Variants in SLCO3A1 observed in about 807,000 individuals in gnomAD.
SLCO3A1 encodes the protein PGE1 transporter.
A neutral mutation model predicts 63.1 loss-of-function variants in SLCO3A1; 27 were observed. The ratio of observed to expected loss-of-function variants is 0.43; its 90% CI spans 0.32 to 0.59. The LOEUF is 0.59. Ranked by LOEUF, SLCO3A1 falls within the 20% of genes least tolerant of loss-of-function variation. The probability of loss-of-function intolerance (pLI) is 0.09; values close to 1 mark genes in which losing one functional copy is unlikely to be tolerated. For synonymous variants in SLCO3A1, 473 were observed against 409.9 expected (o/e 1.15, Z -1.86); for missense variants, 773 against 945.8 (o/e 0.82, Z 2.40).
rs1481331780 is a variant in SLCO3A1 at position 92,149,935 on chromosome 15, A to G, written c.1689-1015A>G. Among the ~76,000 whole-genome samples the G allele has an allele frequency of 3.3e-5, 5 of 152,146 alleles. No individual in the cohort carries two copies. The South Asian group carries it at 6.2e-4, about 19-fold the overall frequency. On this transcript the variant is annotated intron_variant, in intron 8 of 9. Coordinates refer to ENST00000318445, the MANE Select transcript of SLCO3A1 (RefSeq NM_013272.4). ...CAAAAACCGGAGACATGGAGCTGAT[A>G]ATAGCTTTGAAGAACTTGGATTTTG...
rs34049553 is a variant in SLCO3A1 at position 91,937,718 on chromosome 15, CA to C, written c.646+21276del. On this transcript the variant is annotated intron_variant, in intron 2 of 9. Transcript: ENST00000318445. ...CGGACGACAGTGCAAGACTCCATCTCAAAAAAAAAAAAAAAAGTGGGAGTGA... is the reference window on the plus strand; with the variant it reads ...CGGACGACAGTGCAAGACTCCATCTCAAAAAAAAAAAAAAAGTGGGAGTGA... Among the ~76,000 whole-genome samples, 596 of 112,986 alleles carry C rather than the reference CA, an allele frequency of 5.3e-3. 3 individuals are homozygous for C. Among genetic ancestry groups the C allele is most frequent in the East Asian group, 0.02 (76 of 3,772 alleles). 74.1% of individuals were successfully genotyped at this position (112,986 alleles called of 152,430 possible).
chr15:92,016,233 A>ATAGATAGATAGAT (rs1555424405), intron 2 of SLCO3A1, among the ~76,000 whole-genome samples: 3 of 59,308 alleles, frequency 5.1e-5, no homozygotes, highest in African/African-American at 2.6e-4. Context: ...AGATAGATAG[A>ATAGATAGATAGAT]TAGATAGATA....
intron 1 of SLCO3A1, among the ~76,000 whole-genome samples, chr15:91,904,325 G>T (rs1487717024): frequency 6.6e-6 from 1 of 152,144 alleles, no homozygotes; most frequent in African/African-American, 2.4e-5. Flanking sequence ...TACTCCTGGG[G>T]GAGCGAGACC....
At position 91,980,501 on chromosome 15, in the gene SLCO3A1, C is replaced by T. The variant is rs184903198; in HGVS notation, c.646+64043C>T. On this transcript the variant is annotated intron_variant, in intron 2 of 9. Coordinates refer to ENST00000318445, the MANE Select transcript of SLCO3A1 (RefSeq NM_013272.4). The stretch of plus-strand genomic sequence containing the variant: ...GGGGAGAAGGGGGTACTCAGCTGGC[C>T]AGGGATGAAGCTTTAGTTGGTATGA... Among the ~76,000 whole-genome samples, 8 of 151,574 alleles carry T rather than the reference C, an allele frequency of 5.3e-5. No homozygotes were observed. In the East Asian group the frequency reaches 1.2e-3, roughly 22 times the overall value.
At chr15:91,866,321 A>C (rs546896587) in intron 1 of SLCO3A1, among the ~76,000 whole-genome samples, 2 of 152,188 alleles carry the variant, frequency 1.3e-5, no homozygotes, top group African/African-American at 4.8e-5. Flanking sequence ...CCTCACACCC[A>C]GGATTCCTTA....
rs536934337 is a variant in SLCO3A1, at chr15:92,121,671, G to A, written c.1174+1042G>A. 1.2e-4 allele frequency among the ~76,000 whole-genome samples: 19 copies of A among 152,084 alleles called. 1 individual carries two copies. The South Asian group carries it at 3.7e-3, about 30-fold the overall frequency. ...AGGACATCGGAGTGGAATTTACGTA[G>A]GAAAAAATGTGTAGAGTTAAAAAAA... is the stretch of plus-strand genomic sequence containing the variant. On this transcript the variant is annotated intron_variant, in intron 5 of 9. Coordinates refer to ENST00000318445, the MANE Select transcript of SLCO3A1 (RefSeq NM_013272.4).
chr15:91,864,087 G>C (rs191785108), intron 1 of SLCO3A1, among the ~76,000 whole-genome samples: 3 of 152,188 alleles, frequency 2.0e-5, no homozygotes, highest in Non-Finnish European at 2.9e-5. Flanking sequence ...AGAGTGGCAC[G>C]TGGAGCCAGC....
chr15:91,921,010 G>T (rs147153728), intron 2 of SLCO3A1, among the ~76,000 whole-genome samples: 5 of 152,354 alleles, frequency 3.3e-5, no homozygotes, highest in Non-Finnish European at 5.9e-5. Flanking sequence ...GGGGATGTGG[G>T]ATATGGCGTT....
chr15:92,055,808 C>A lies in SLCO3A1; in HGVS notation c.647-39073C>A, dbSNP rs546053365. On this transcript the variant is annotated intron_variant, in intron 2 of 9. Coordinates refer to ENST00000318445, the MANE Select transcript of SLCO3A1 (RefSeq NM_013272.4). ...AAAGACGTTGTCACATGAGATTCAC[C>A]ATCTATCAGTTTTTCCCTAATTTAT... Among the ~76,000 whole-genome samples, 11 of 152,284 alleles carry A rather than the reference C, an allele frequency of 7.2e-5. No homozygotes were observed. In the South Asian group the frequency reaches 2.1e-3, roughly 29 times the overall value.
At position 91,873,421 on chromosome 15, in the gene SLCO3A1, G is replaced by T. The variant is rs558984971; in HGVS notation, c.180+19333G>T. ...CTTTTGTTTTTAATTCTATTATGACGAAACAAAAAAGTAGAAATTATAGTA... is the reference window on the plus strand; with the variant it reads ...CTTTTGTTTTTAATTCTATTATGACTAAACAAAAAAGTAGAAATTATAGTA... On this transcript the variant is annotated intron_variant, in intron 1 of 9. Coordinates refer to ENST00000318445, the MANE Select transcript of SLCO3A1 (RefSeq NM_013272.4). Among the ~76,000 whole-genome samples, 243 of 151,808 alleles carry T rather than the reference G, an allele frequency of 1.6e-3. 1 individual carries two copies. Among genetic ancestry groups the T allele is most frequent in the African/African-American group, 5.7e-3 (234 of 41,382 alleles).
chr15:91,902,633 C>T (rs1898189219), intron 1 of SLCO3A1, among the ~76,000 whole-genome samples: 1 of 152,020 alleles, frequency 6.6e-6, no homozygotes, highest in Non-Finnish European at 1.5e-5. Flanking sequence ...ATTAGTGCTC[C>T]TCAGTTTGTT....
At chr15:92,013,533 C>T (rs2046392752) in intron 2 of SLCO3A1, among the ~76,000 whole-genome samples, 1 of 152,168 alleles carries the variant, frequency 6.6e-6, no homozygotes, top group African/African-American at 2.4e-5. Context: ...GCACAGGGAG[C>T]CTTGAAACAA....
At chr15:91,909,509 G>A (rs1898416387) in intron 1 of SLCO3A1, among the ~76,000 whole-genome samples, 2 of 152,200 alleles carry the variant, frequency 1.3e-5, no homozygotes, top group South Asian at 4.1e-4. Flanking sequence ...ACCACAGCGA[G>A]ATTGACATCT....
chr15:92,016,248 G>A (rs1397408691), intron 2 of SLCO3A1, among the ~76,000 whole-genome samples: 1 of 56,200 alleles, frequency 1.8e-5, no homozygotes, highest in African/African-American at 1.1e-4. Flanking sequence ...TAGATAGATA[G>A]ATAGATTAGA....
At chr15:92,046,661 G>A (rs1483182544) in intron 2 of SLCO3A1, among the ~76,000 whole-genome samples, 1 of 152,038 alleles carries the variant, frequency 6.6e-6, no homozygotes, top group Non-Finnish European at 1.5e-5. Flanking sequence ...CCCCTGTACT[G>A]CATCAGTGTT....
chr15:91,881,581 AG>A (rs1567169537), intron 1 of SLCO3A1, among the ~76,000 whole-genome samples: 5 of 152,032 alleles, frequency 3.3e-5, no homozygotes, highest in African/African-American at 1.2e-4. Flanking sequence ...ACCTAAAGAA[AG>A]AAAGAAAGGG....
chr15:92,119,089 A>G (rs1596117591), intron 4 of SLCO3A1, among the ~76,000 whole-genome samples: 3 of 150,002 alleles, frequency 2.0e-5, no homozygotes, highest in Admixed American at 2.0e-4. Flanking sequence ...TGGCACAAAT[A>G]TTGAAATGAC....
rs754248067 is a variant in SLCO3A1 at position 91,854,073 on chromosome 15, G to A, written c.165G>A (p.Thr55=). 1 of 1,521,340 alleles carries A rather than the reference G, an allele frequency of 6.6e-7. No individual in the cohort carries two copies. Among genetic ancestry groups the A allele is most frequent in the South Asian group, 1.2e-5 (1 of 81,960 alleles). 94.2% of individuals were successfully genotyped at this position (1,521,340 alleles called of 1,614,324 possible). A position where few individuals can be genotyped will look rare whatever the true frequency, so the allele number is the denominator to read the frequency against. ...GCGCCCTGATGCTGGCGCAGGGCAC[G>A]GTGGGCGCCTACCTGGTGAGTCCCC... ...SECALMLAQG[T]VGAYLVSVLT... Residue 55 remains threonine (T), a synonymous_variant, in exon 1 of 10, where the codon ACG becomes ACA. Coordinates refer to ENST00000318445, the MANE Select transcript of SLCO3A1 (RefSeq NM_013272.4). This position sits in a 1 kb window ranked among gnomAD's most constrained non-coding sequence, Gnocchi z 6.4.
At chr15:92,010,065 G>A (rs966260344) in intron 2 of SLCO3A1, among the ~76,000 whole-genome samples, 2 of 152,166 alleles carry the variant, frequency 1.3e-5, no homozygotes, top group South Asian at 4.1e-4. Flanking sequence ...GGGAGATGGC[G>A]GAGCAGGTAC....
Sources: gnomAD v4.1 joint callset for allele counts (sites outside exome capture counted in the v4.1 genomes callset) on GRCh38, gnomAD v4.1.1 for gene constraint, Gnocchi (gnomAD v3.1) non-coding constraint, MANE v1.5 for transcripts, NCBI Gene and HGNC (gene_info 2026-07-23, HGNC 2026-07-21) for gene names.